DLG2: variants seen among roughly 807,000 people sequenced by gnomAD.
The protein encoded by DLG2 is disks large homolog 2.
Under a neutral mutation model 132.5 loss-of-function variants are expected in DLG2, and 45 were observed. The ratio of observed to expected loss-of-function variants is 0.34; its 90% CI spans 0.27 to 0.44. The LOEUF (loss-of-function observed/expected upper bound fraction) is 0.44. Among genes scored for constraint, DLG2 ranks in the 20% least tolerant of loss-of-function variants. The pLI is 1.00. For missense variants in DLG2, 1,045 were observed against 1,196.9 expected (o/e 0.87, Z 1.87); for synonymous variants, 424 against 419.6 (o/e 1.01, Z -0.13).
chr11:83,853,233 A>G (rs1222156083), intron 16 of DLG2, among the ~76,000 whole-genome samples: 4 of 152,110 alleles, frequency 2.6e-5, no homozygotes. Context: ...TTCTGCCAGC[A>G]GTTGGCTTCC....
At chr11:83,542,123 G>A (rs1186780091) in intron 19 of DLG2, among the ~76,000 whole-genome samples, 2 of 152,090 alleles carry the variant, frequency 1.3e-5, no homozygotes, top group Non-Finnish European at 2.9e-5. Context: ...ACCATCAGAT[G>A]TTAGAAGGTG....
At chr11:84,903,427 C>G (rs1366391250) in intron 6 of DLG2, among the ~76,000 whole-genome samples, 1 of 152,072 alleles carries the variant, frequency 6.6e-6, no homozygotes, top group Non-Finnish European at 1.5e-5. Context: ...CCCACCATTC[C>G]TATAGAGTAT....
chr11:85,291,039 T>C (rs1595981679), intron 3 of DLG2, among the ~76,000 whole-genome samples: 1 of 152,164 alleles, frequency 6.6e-6, no homozygotes, highest in African/African-American at 2.4e-5. Context: ...TTAAAACTCC[T>C]CTTTGAGATA....
In DLG2 at chr11:85,617,154, G is replaced by A. The variant is rs367563385; in HGVS notation, c.-93+9433C>T. On this transcript the variant is annotated intron_variant, in intron 2 of 27. Transcript: ENST00000376104. ...AATTTACAGACCAAGTCCAGCTCACGGATTACCTGATCCTGTCCCTTCTTT... is the reference window on the plus strand; with the variant it reads ...AATTTACAGACCAAGTCCAGCTCACAGATTACCTGATCCTGTCCCTTCTTT... 1.1e-3 allele frequency among the ~76,000 whole-genome samples: 173 copies of A among 152,240 alleles called. 1 individual carries two copies. The South Asian group carries it at 0.02, about 17-fold the overall frequency.
intron 3 of DLG2, among the ~76,000 whole-genome samples, chr11:85,332,296 C>T (rs1408871838): frequency 6.6e-6 from 1 of 152,016 alleles, no homozygotes. Flanking sequence ...GTTCTTTGCC[C>T]ATTTTTTATT....
At chr11:85,589,833 A>G (rs1395386628) in intron 3 of DLG2, among the ~76,000 whole-genome samples, 1 of 151,894 alleles carries the variant, frequency 6.6e-6, no homozygotes, top group East Asian at 1.9e-4. Context: ...ATTGTCCCCC[A>G]TGACTCCTCC....
In DLG2 at chr11:84,201,593, T is replaced by A. The variant is rs868393966; in HGVS notation, c.574-38082A>T. Among the ~76,000 whole-genome samples, 116 of 151,614 alleles carry A rather than the reference T, an allele frequency of 7.7e-4. 2 individuals carry two copies. In the South Asian group the frequency reaches 0.017, roughly 23 times the overall value. On this transcript the variant is annotated intron_variant, in intron 8 of 27. Transcript: ENST00000376104. Reference sequence around the variant, plus strand: ...TCTGGTTCTGGGCTTTTTTTTTTTTTTTATTGGTAGGCTATTTATTACTGC... The same window carrying A: ...TCTGGTTCTGGGCTTTTTTTTTTTTATTATTGGTAGGCTATTTATTACTGC...
intron 6 of DLG2, among the ~76,000 whole-genome samples, chr11:84,568,742 A>G (rs2099468137): frequency 6.6e-6 from 1 of 152,184 alleles, no homozygotes; most frequent in African/African-American, 2.4e-5. Context: ...TCACTCAGCC[A>G]ACAACCTTAC....
At chr11:83,674,823 T>A (rs754431107) in intron 18 of DLG2, among the ~76,000 whole-genome samples, 1 of 152,224 alleles carries the variant, frequency 6.6e-6, no homozygotes, top group African/African-American at 2.4e-5. Context: ...AGAAGAAATA[T>A]ACTTTGATTC....
At chr11:84,746,006 A>C (rs1482198470) in intron 6 of DLG2, among the ~76,000 whole-genome samples, 1 of 152,212 alleles carries the variant, frequency 6.6e-6, no homozygotes, top group Admixed American at 6.5e-5. Context: ...TCAGGTCTAT[A>C]AACATTAACT....
intron 7 of DLG2, among the ~76,000 whole-genome samples, chr11:84,506,093 T>TTTTTTTTTTTTTTTTTTTTTTA: frequency 6.9e-6 from 1 of 144,048 alleles, no homozygotes; most frequent in African/African-American, 2.8e-5. Flanking sequence ...TTTTTTTTTT[T>TTTTTTTTTTTTTTTTTTTTTTA]GAGACGGAGT....
intron 3 of DLG2, among the ~76,000 whole-genome samples, chr11:85,372,687 T>C (rs1035473683): frequency 2.0e-5 from 3 of 152,254 alleles, no homozygotes; most frequent in African/African-American, 7.2e-5. Context: ...GAAAGAGACA[T>C]AGGTGACAGC....
At chr11:84,850,294 G>A (rs1200878608) in intron 6 of DLG2, among the ~76,000 whole-genome samples, 1 of 152,166 alleles carries the variant, frequency 6.6e-6, no homozygotes, top group Non-Finnish European at 1.5e-5. Flanking sequence ...CAGTTGAACA[G>A]AGAGAAGTCT....
intron 7 of DLG2, among the ~76,000 whole-genome samples, chr11:84,289,010 C>G (rs1239267104): frequency 6.6e-6 from 1 of 151,944 alleles, no homozygotes; most frequent in Non-Finnish European, 1.5e-5. Flanking sequence ...AAAGCAAGGC[C>G]CTTAATCATG....
At chr11:84,474,340 C>A (rs1031278832) in intron 7 of DLG2, among the ~76,000 whole-genome samples, 8 of 152,048 alleles carry the variant, frequency 5.3e-5, no homozygotes, top group African/African-American at 1.9e-4. Context: ...CTAATTTAAT[C>A]CTCACAACAA....
chr11:85,111,867 G>T, intron 5 of DLG2, 132 bp from the exon 6 acceptor site: 1 of 617,480 alleles, frequency 1.6e-6, no homozygotes, highest in Non-Finnish European at 2.6e-6. Context: ...CTTTGTTGGT[G>T]CAATGCTGCA....
chr11:84,555,636 A>G (rs939261346), intron 6 of DLG2, among the ~76,000 whole-genome samples: 1 of 152,216 alleles, frequency 6.6e-6, no homozygotes, highest in Non-Finnish European at 1.5e-5. Context: ...ACAGAAAGTA[A>G]AATGGTAGTT....
intron 2 of DLG2, among the ~76,000 whole-genome samples, chr11:85,616,383 G>T (rs1279770652): frequency 2.0e-5 from 3 of 152,194 alleles, no homozygotes; most frequent in Admixed American, 6.5e-5. Flanking sequence ...CAGGATCTTG[G>T]TGGCATCATC....
intron 3 of DLG2, among the ~76,000 whole-genome samples, chr11:85,365,026 C>T (rs2084434433): frequency 6.6e-6 from 1 of 151,944 alleles, no homozygotes; most frequent in African/African-American, 2.4e-5. Flanking sequence ...CCTCACCCTA[C>T]AGACAAAAAT....
Sources: allele counts gnomAD v4.1 joint callset (sites outside exome capture counted in the v4.1 genomes callset), GRCh38; gene constraint gnomAD v4.1.1; transcripts MANE v1.5; gene names NCBI Gene and HGNC (gene_info 2026-07-23, HGNC 2026-07-21).